The following EPB41 variants were observed in gnomAD, a reference collection of about 807,000 sequenced individuals.
The protein encoded by EPB41 is erythrocyte membrane protein band 4.1.
In EPB41, 65 loss-of-function variants were observed where a neutral mutation model predicts 108.0. That is an observed-to-expected ratio of 0.60 (90% CI 0.49 to 0.74). EPB41 has a LOEUF of 0.74. Ranked by LOEUF, EPB41 falls within the 30% of genes least tolerant of loss-of-function variation. EPB41 has a pLI of 0.00. For synonymous variants in EPB41, 336 were observed against 358.9 expected, an observed-to-expected ratio of 0.94 and a Z score of 0.72; for missense variants, 875 against 1,037.0, an observed-to-expected ratio of 0.84 and a Z score of 2.15.
rs77402304 is a variant in EPB41 at position 29,017,820 on chromosome 1, A to G, written c.906-404A>G. ...CATCTATAATCTGGCAATGATACCT[A>G]CCTCACAAGTTTTTTTTATGTGTGT... On this transcript the variant is annotated intron_variant, in intron 6 of 20. Transcript: ENST00000343067. Among the ~76,000 whole-genome samples, 651 of 152,196 alleles carry G rather than the reference A, an allele frequency of 4.3e-3. 4 individuals carry two copies. Among genetic ancestry groups the G allele is most frequent in the African/African-American group, 0.014 (590 of 41,516 alleles).
intron 14 of EPB41, 116 bp from the exon 15 acceptor site, chr1:29,060,306 C>T (rs1014678917): frequency 1.6e-5 from 13 of 802,032 alleles, no homozygotes; most frequent in East Asian, 8.2e-5. Flanking sequence ...GCATATGCTG[C>T]GCTGTGGACA....
At chr1:29,024,695 A>G (rs1240886361) in intron 7 of EPB41, among the ~76,000 whole-genome samples, 1 of 151,952 alleles carries the variant, frequency 6.6e-6, no homozygotes. Context: ...TCCTCACTTC[A>G]CAAGTGATGA....
chr1:29,108,692 G>A (rs1044376566), intron 17 of EPB41, among the ~76,000 whole-genome samples: 1 of 151,446 alleles, frequency 6.6e-6, no homozygotes, highest in African/African-American at 2.4e-5. Context: ...CGAGTAGCTG[G>A]GATTATAGGC....
chr1:29,039,569 T>G (rs1477253615), intron 11 of EPB41, 143 bp downstream of exon 11: 2 of 1,097,876 alleles, frequency 1.8e-6, no homozygotes, highest in Admixed American at 4.4e-5. Context: ...TCCTAGCACT[T>G]TGGGAGGCCA....
At chr1:29,079,956 A>T (rs1035393367) in intron 16 of EPB41, among the ~76,000 whole-genome samples, 1 of 151,986 alleles carries the variant, frequency 6.6e-6, no homozygotes. Context: ...AGATTGTGCC[A>T]TTGCACTCCA....
chr1:29,051,977 T>C (rs1644606759), intron 11 of EPB41, among the ~76,000 whole-genome samples: 1 of 152,084 alleles, frequency 6.6e-6, no homozygotes, highest in Non-Finnish European at 1.5e-5. Context: ...AAAAACACTT[T>C]CATTCCTAGA....
rs763562327 is a variant in EPB41, at chr1:28,987,611, A to C, written c.174A>C (p.Gly58=). Residue 58 remains glycine, a synonymous_variant, in exon 2 of 21, where the codon GGA becomes GGC. Transcript: ENST00000343067. ...WCEQKLKASN[G]DTPTHEDLTK... Reference sequence around the variant, plus strand: ...AACAGAAGCTGAAAGCTTCTAATGGAGACACTCCTACACATGAAGACTTGA... The same window carrying C: ...AACAGAAGCTGAAAGCTTCTAATGGCGACACTCCTACACATGAAGACTTGA... 2.5e-6 allele frequency: 4 copies of C among 1,614,246 alleles called. No homozygotes were observed. The South Asian group carries it at 3.3e-5, about 13-fold the overall frequency.
chr1:29,048,169 T>C (rs1038877674), intron 11 of EPB41, among the ~76,000 whole-genome samples: 2 of 152,150 alleles, frequency 1.3e-5, no homozygotes, highest in South Asian at 2.1e-4. Flanking sequence ...GGTTTTGTTG[T>C]TTTTTTCCTA....
chr1:29,041,161 AAATAAAT>A (rs1641401576), intron 11 of EPB41: 1 of 149,930 alleles, frequency 6.7e-6, no homozygotes, highest in African/African-American at 2.4e-5. Context: ...ATAAATAAAT[AAATAAAT>A]AAATAAATAA....
At chr1:28,982,106 C>T (rs1020740822) in intron 1 of EPB41, among the ~76,000 whole-genome samples, 5 of 151,606 alleles carry the variant, frequency 3.3e-5, no homozygotes, top group African/African-American at 4.8e-5. Flanking sequence ...CATGTGTTCT[C>T]GTTGTTCAAT....
At chr1:28,943,026 G>A (rs1055617985) in intron 1 of EPB41, among the ~76,000 whole-genome samples, 1 of 151,992 alleles carries the variant, frequency 6.6e-6, no homozygotes, top group African/African-American at 2.4e-5. Flanking sequence ...GATTCCATTG[G>A]GAAATCTTAC....
chr1:28,890,016 ATTTTT>A (rs773612810), intron 1 of EPB41, among the ~76,000 whole-genome samples: 3 of 35,218 alleles, frequency 8.5e-5, no homozygotes, highest in African/African-American at 1.9e-4. Context: ...TTTTATTTTT[ATTTTT>A]ATTTTTATTT....
intron 1 of EPB41, among the ~76,000 whole-genome samples, chr1:28,955,623 G>A (rs926876104): frequency 1.3e-5 from 2 of 152,050 alleles, no homozygotes. Context: ...GATTACAGAC[G>A]TGAGCCCACC....
At chr1:29,093,392 G>A (rs566945731) in intron 16 of EPB41, among the ~76,000 whole-genome samples, 2 of 152,154 alleles carry the variant, frequency 1.3e-5, no homozygotes, top group East Asian at 1.9e-4. Context: ...TTTTTTAATG[G>A]AGTTGTTTCT....
intron 1 of EPB41, among the ~76,000 whole-genome samples, chr1:28,940,130 C>T (rs944470441): frequency 2.6e-5 from 4 of 152,140 alleles, no homozygotes; most frequent in Admixed American, 6.6e-5. Flanking sequence ...TGTTGGTAGC[C>T]AGCTTTGTAG....
intron 4 of EPB41, among the ~76,000 whole-genome samples, chr1:29,001,277 C>T (rs926893773): frequency 6.6e-6 from 1 of 152,166 alleles, no homozygotes. Context: ...TCGCAGGGAG[C>T]CGAGGTCACG....
At chr1:28,972,802 C>G (rs532084430) in intron 1 of EPB41, among the ~76,000 whole-genome samples, 1 of 151,502 alleles carries the variant, frequency 6.6e-6, no homozygotes, top group South Asian at 2.1e-4. Context: ...CATGGTCTCA[C>G]TATGCTGCCC....
At chr1:28,949,506 A>G (rs2930833) in intron 1 of EPB41, among the ~76,000 whole-genome samples, 46,445 of 152,042 alleles carry the variant, frequency 0.31, 9,095 homozygotes, top group Non-Finnish European at 0.42. Context: ...ATCTTTAAAA[A>G]TATATTGTTT....
intron 1 of EPB41, among the ~76,000 whole-genome samples, chr1:28,918,384 T>G (rs1043971699): frequency 2.6e-5 from 4 of 152,164 alleles, no homozygotes; most frequent in African/African-American, 9.7e-5. Context: ...TTCATCAAGT[T>G]TGTGTTTGGT....
Sources: gnomAD v4.1 joint callset for allele counts (sites outside exome capture counted in the v4.1 genomes callset) on GRCh38, gnomAD v4.1.1 for gene constraint, MANE v1.5 for transcripts, NCBI Gene and HGNC (gene_info 2026-07-23, HGNC 2026-07-21) for gene names.